VRK1: variants seen among roughly 807,000 people sequenced by gnomAD.
VRK1 encodes the protein serine/threonine-protein kinase VRK1.
A neutral mutation model predicts 57.1 loss-of-function variants in VRK1; 33 were observed. The observed-to-expected ratio is 0.58, with a 90% CI of 0.44 to 0.77. VRK1 has a LOEUF of 0.77. Ranked by LOEUF, VRK1 falls within the 30% of genes least tolerant of loss-of-function variation. VRK1 has a pLI of 0.00. For synonymous variants in VRK1, 137 were observed against 147.8 expected (o/e 0.93, Z 0.53); for missense variants, 413 against 477.3 (o/e 0.87, Z 1.25).
chr14:96,842,277 C>T (rs1887493877), intron 3 of VRK1, among the ~76,000 whole-genome samples: 1 of 152,132 alleles, frequency 6.6e-6, no homozygotes, highest in Non-Finnish European at 1.5e-5. Context: ...CATAATTTGC[C>T]TTCTTACAAC....
intron 5 of VRK1, among the ~76,000 whole-genome samples, chr14:96,849,311 A>G (rs1238483949): frequency 6.6e-6 from 1 of 152,180 alleles, no homozygotes; most frequent in African/African-American, 2.4e-5. Flanking sequence ...TACAATAGTT[A>G]TATTCCTAAG....
At chr14:96,814,900 A>G (rs1383543532) in intron 1 of VRK1, among the ~76,000 whole-genome samples, 1 of 152,184 alleles carries the variant, frequency 6.6e-6, no homozygotes, top group East Asian at 1.9e-4. Flanking sequence ...TTGGTGCAAA[A>G]GTAATTGCGG....
chr14:96,836,681 C>T (rs1378035630), intron 2 of VRK1, among the ~76,000 whole-genome samples: 1 of 151,962 alleles, frequency 6.6e-6, no homozygotes, highest in African/African-American at 2.4e-5. Flanking sequence ...CGTGCCACCA[C>T]CATGCCCGGC....
chr14:96,798,090 G>C (rs1317389358), intron 1 of VRK1, among the ~76,000 whole-genome samples: 1 of 152,190 alleles, frequency 6.6e-6, no homozygotes, highest in Non-Finnish European at 1.5e-5. Flanking sequence ...TTATTTCCCT[G>C]TCACATCGCG....
At position 96,860,710 on chromosome 14, in the gene VRK1, G is replaced by GT; in HGVS notation, c.1046dup (p.Leu349PhefsTer15). The GT allele has an allele frequency of 6.2e-7, 1 of 1,613,010 alleles. No individual in the cohort carries two copies. Among genetic ancestry groups the GT allele is most frequent in the Non-Finnish European group, 8.5e-7 (1 of 1,179,326 alleles). On this transcript the variant is annotated frameshift_variant, in exon 11 of 13. Coordinates refer to ENST00000216639, the MANE Select transcript of VRK1 (RefSeq NM_003384.3). LOFTEE classifies it high-confidence loss of function. ...GACCTCAGTGTTGTGGAGAATGGAG[G>GT]TTTGAAAGCAAAAACAATAACAAAG...
intron 11 of VRK1, among the ~76,000 whole-genome samples, chr14:96,864,742 C>T (rs922708695): frequency 6.6e-6 from 1 of 152,128 alleles, no homozygotes; most frequent in African/African-American, 2.4e-5. Flanking sequence ...TCCAGTTGCT[C>T]ACTGACACTA....
chr14:96,847,232 C>A (rs1566704544), intron 4 of VRK1, 25 bp from the exon 5 acceptor site: 2 of 1,594,016 alleles, frequency 1.3e-6, no homozygotes, highest in Admixed American at 1.7e-5. Flanking sequence ...CAATTGAAAT[C>A]ACAAAGATCT....
chr14:96,802,314 G>A (rs889400588), intron 1 of VRK1, among the ~76,000 whole-genome samples: 1 of 152,158 alleles, frequency 6.6e-6, no homozygotes, highest in Non-Finnish European at 1.5e-5. Context: ...ATGAATGCTC[G>A]TAGAAGCCTT....
intron 5 of VRK1, 60 bp downstream of exon 5, chr14:96,847,404 GT>G: frequency 7.2e-7 from 1 of 1,384,186 alleles, no homozygotes; most frequent in Non-Finnish European, 1.0e-6. Context: ...TATTTAGTTG[GT>G]TTAGTCAGTA....
intron 1 of VRK1, among the ~76,000 whole-genome samples, chr14:96,829,734 C>A (rs28635274): frequency 6.6e-6 from 1 of 152,006 alleles, no homozygotes; most frequent in Non-Finnish European, 1.5e-5. Context: ...CGTATGTTAT[C>A]CCATTTTTTG....
intron 12 of VRK1, among the ~76,000 whole-genome samples, chr14:96,876,486 A>T (rs974742635): frequency 6.6e-6 from 1 of 152,160 alleles, no homozygotes; most frequent in Admixed American, 6.6e-5. Flanking sequence ...TCTGGGCAAC[A>T]TAGAAACCCC....
chr14:96,846,068 A>G, intron 3 of VRK1, 27 bp from the exon 4 acceptor site: 1 of 1,569,578 alleles, frequency 6.4e-7, no homozygotes, highest in Non-Finnish European at 8.8e-7. Context: ...AACTACTGCT[A>G]GTACTAATTA....
chr14:96,812,261 G>A (rs1200997580), intron 1 of VRK1, among the ~76,000 whole-genome samples: 1 of 152,166 alleles, frequency 6.6e-6, no homozygotes, highest in African/African-American at 2.4e-5. Flanking sequence ...ACAAGTTGTT[G>A]TGTGGGTATG....
chr14:96,834,463 CTG>C (rs1468665974), intron 2 of VRK1, among the ~76,000 whole-genome samples: 1 of 152,136 alleles, frequency 6.6e-6, no homozygotes, highest in Non-Finnish European at 1.5e-5. Flanking sequence ...GAATCAGAAA[CTG>C]TAGGGAGAGG....
chr14:96,827,928 G>T (rs754230791), intron 1 of VRK1, among the ~76,000 whole-genome samples: 12 of 152,092 alleles, frequency 7.9e-5, no homozygotes, highest in Non-Finnish European at 1.6e-4. Flanking sequence ...TAAACACCAA[G>T]ATTGGGATAT....
chr14:96,821,572 C>T (rs1326145124), intron 1 of VRK1, among the ~76,000 whole-genome samples: 1 of 152,130 alleles, frequency 6.6e-6, no homozygotes, highest in Non-Finnish European at 1.5e-5. Flanking sequence ...GCAATTATTG[C>T]TTTTTCCAAT....
At chr14:96,844,581 G>T (rs564683197) in intron 3 of VRK1, among the ~76,000 whole-genome samples, 1 of 152,210 alleles carries the variant, frequency 6.6e-6, no homozygotes, top group African/African-American at 2.4e-5. Flanking sequence ...TTGCTTTGTT[G>T]CCCAGGGTGG....
At chr14:96,847,218 A>T in intron 4 of VRK1, 39 bp from the exon 5 acceptor site, 1 of 1,541,754 alleles carries the variant, frequency 6.5e-7, no homozygotes, top group East Asian at 2.3e-5. Flanking sequence ...TCATTTATGT[A>T]TAACAATTGA....
rs191285460 is a variant in VRK1 at position 96,855,416 on chromosome 14, A to G, written c.709+60A>G. ...CTAATGTTTTCACCCAGATTCCTAC[A>G]TAGTTCTTAATTATGCATAAGTAAA... On this transcript the variant is annotated intron_variant, in intron 8 of 12. Coordinates refer to ENST00000216639, the MANE Select transcript of VRK1 (RefSeq NM_003384.3). 1.7e-5 allele frequency: 28 copies of G among 1,611,976 alleles called. No individual in the cohort carries two copies. The African/African-American group carries it at 2.1e-4, about 12-fold the overall frequency.
Sources: allele counts gnomAD v4.1 joint callset (sites outside exome capture counted in the v4.1 genomes callset), GRCh38; gene constraint gnomAD v4.1.1; transcripts MANE v1.5; gene names NCBI Gene and HGNC (gene_info 2026-07-23, HGNC 2026-07-21).